The following TRPM3 variants were observed in gnomAD, a reference collection of about 807,000 sequenced individuals.
TRPM3 encodes the protein transient receptor potential cation channel subfamily M member 3.
In TRPM3, 77 loss-of-function variants were observed where a neutral mutation model predicts 181.2. The ratio of observed to expected loss-of-function variants is 0.42; its 90% CI spans 0.35 to 0.51. The LOEUF (loss-of-function observed/expected upper bound fraction) is 0.51, where lower values mean the gene tolerates loss of function less well. Among genes scored for constraint, TRPM3 ranks in the 20% least tolerant of loss-of-function variants. The probability of loss-of-function intolerance (pLI) is 0.01; values close to 1 mark genes in which losing one functional copy is unlikely to be tolerated. For synonymous variants in TRPM3, 745 were observed against 796.4 expected (o/e 0.94, Z 1.09); for missense variants, 1,759 against 2,196.7 (o/e 0.80, Z 3.98).
At chr9:70,571,636 C>T (rs2052416494) in intron 22 of TRPM3, among the ~76,000 whole-genome samples, 1 of 151,972 alleles carries the variant, frequency 6.6e-6, no homozygotes, top group African/African-American at 2.4e-5. Flanking sequence ...TTCTCTGTGC[C>T]TCATTTTCCT....
At chr9:71,232,194 G>C (rs2081092424) in intron 1 of TRPM3, among the ~76,000 whole-genome samples, 1 of 152,116 alleles carries the variant, frequency 6.6e-6, no homozygotes, top group South Asian at 2.1e-4. Context: ...GAGGGAATCT[G>C]AGCTTCCAAT....
At chr9:70,768,592 ATCTTT>A (rs970360754) in intron 7 of TRPM3, among the ~76,000 whole-genome samples, 11 of 134,092 alleles carry the variant, frequency 8.2e-5, no homozygotes, top group Admixed American at 1.6e-4. Flanking sequence ...GCTAGAAACT[ATCTTT>A]TCTTTTTTTT....
At chr9:70,815,926 G>A (rs1382432151) in intron 6 of TRPM3, among the ~76,000 whole-genome samples, 1 of 152,188 alleles carries the variant, frequency 6.6e-6, no homozygotes, top group African/African-American at 2.4e-5. Flanking sequence ...CCAAGAAATT[G>A]TTTTACAAGA....
At chr9:71,027,167 T>C (rs1401387971) in intron 1 of TRPM3, among the ~76,000 whole-genome samples, 1 of 151,962 alleles carries the variant, frequency 6.6e-6, no homozygotes, top group Non-Finnish European at 1.5e-5. Context: ...CCAATATCAG[T>C]CCCCCAGAGT....
chr9:71,224,087 C>T (rs1015521130), intron 1 of TRPM3, among the ~76,000 whole-genome samples: 2 of 152,160 alleles, frequency 1.3e-5, no homozygotes, highest in African/African-American at 4.8e-5. Context: ...TTAGGCAAGA[C>T]CCAGTGCTGT....
intron 9 of TRPM3, among the ~76,000 whole-genome samples, chr9:70,652,150 C>T (rs77723674): frequency 0.028 from 4,322 of 152,068 alleles, 77 homozygotes; most frequent in Middle Eastern, 0.058. Flanking sequence ...GGCTTCGAAC[C>T]TAGATAATTG....
intron 1 of TRPM3, among the ~76,000 whole-genome samples, chr9:70,900,591 T>C (rs1032437873): frequency 2.0e-5 from 3 of 152,240 alleles, no homozygotes; most frequent in Non-Finnish European, 4.4e-5. Flanking sequence ...CACAAATACT[T>C]TGTAATAATA....
In TRPM3 at chr9:71,030,113, T is replaced by C. The variant is rs549275959; in HGVS notation, c.177+91065A>G. Among the ~76,000 whole-genome samples the C allele has an allele frequency of 2.6e-5, 4 of 152,366 alleles. No individual in the cohort carries two copies. In the South Asian group the frequency reaches 8.3e-4, roughly 32 times the overall value. ...TTAATATATATTCATCGTGGTTATC[T>C]TAGGCTCAGGAAATATATTTCATTT... On this transcript the variant is annotated intron_variant, in intron 1 of 25. Coordinates refer to ENST00000677713, the MANE Select transcript of TRPM3 (RefSeq NM_001366145.2).
At chr9:70,683,925 C>T (rs1038592225) in intron 8 of TRPM3, among the ~76,000 whole-genome samples, 3 of 152,180 alleles carry the variant, frequency 2.0e-5, no homozygotes, top group African/African-American at 7.2e-5. Context: ...ACTCTTTACG[C>T]CAGGGCTGGC....
chr9:70,925,107 A>G (rs2133338076), intron 1 of TRPM3, among the ~76,000 whole-genome samples: 1 of 152,166 alleles, frequency 6.6e-6, no homozygotes, highest in East Asian at 1.9e-4. Context: ...CTTGGCTAAC[A>G]TGTATAGCCC....
intron 1 of TRPM3, among the ~76,000 whole-genome samples, chr9:71,367,581 T>C (rs140054916): frequency 1.3e-5 from 2 of 152,296 alleles, no homozygotes; most frequent in African/African-American, 4.8e-5. Context: ...GTGGTTATGA[T>C]TTCACCATTT....
intron 1 of TRPM3, among the ~76,000 whole-genome samples, chr9:70,918,836 T>TA (rs997444457): frequency 1.3e-5 from 2 of 151,570 alleles, no homozygotes; most frequent in Admixed American, 1.3e-4. Flanking sequence ...TTATTTTTTT[T>TA]AAAAAAATAA....
In TRPM3 at chr9:70,537,229, G is replaced by A; in HGVS notation, c.3884C>T (p.Ser1295Leu). 1.9e-6 allele frequency: 3 copies of A among 1,597,470 alleles called. No individual in the cohort carries two copies. The highest frequency in any genetic ancestry group is 1.3e-5 in the African/African-American group (1 of 74,684). ...LERAESNKIR[S>L]RTSSDCTDAA... The stretch of plus-strand genomic sequence containing the variant: ...GTCCGTGCAGTCTGACGAGGTCCTC[G>A]AGCGGATTTTGTTGGACTCGGCCCG... The change falls in exon 26 of 26, where the codon TCG becomes TTG. Residue 1295 changes from serine (S) to leucine (L), a missense_variant. Ser to Leu is a moderately radical substitution (Grantham distance 145, BLOSUM62 -2). Coordinates refer to ENST00000677713, the MANE Select transcript of TRPM3 (RefSeq NM_001366145.2).
chr9:71,111,489 G>T (rs1250797663), intron 1 of TRPM3, among the ~76,000 whole-genome samples: 1 of 152,082 alleles, frequency 6.6e-6, no homozygotes, highest in Non-Finnish European at 1.5e-5. Context: ...GGGTTGGGGG[G>T]TGCTCCTGGT....
intron 1 of TRPM3, among the ~76,000 whole-genome samples, chr9:70,970,827 G>T (rs2097236205): frequency 6.6e-6 from 1 of 152,064 alleles, no homozygotes; most frequent in African/African-American, 2.4e-5. Flanking sequence ...TTGCTGAGTG[G>T]TCTCCCCAAA....
intron 3 of TRPM3, among the ~76,000 whole-genome samples, chr9:70,849,181 G>T (rs67152149): frequency 0.2 from 30,343 of 152,010 alleles, 3,180 homozygotes; most frequent in East Asian, 0.28. Context: ...GTCTTGCACT[G>T]TTGCCTGGGC....
intron 1 of TRPM3, among the ~76,000 whole-genome samples, chr9:71,281,657 G>C (rs551274592): frequency 6.6e-6 from 1 of 152,120 alleles, no homozygotes; most frequent in Non-Finnish European, 1.5e-5. Flanking sequence ...TTTAGAATTT[G>C]CTGGATTCCT....
chr9:71,324,484 G>T (rs984345809), intron 1 of TRPM3, among the ~76,000 whole-genome samples: 5 of 151,718 alleles, frequency 3.3e-5, no homozygotes, highest in African/African-American at 1.2e-4. Context: ...TGATAAGGAT[G>T]CAGAGAAAAG....
chr9:70,982,603 C>T (rs976637776), intron 1 of TRPM3, among the ~76,000 whole-genome samples: 1 of 152,186 alleles, frequency 6.6e-6, no homozygotes, highest in African/African-American at 2.4e-5. Context: ...CCTTAGTCAC[C>T]TTTAAGTATG....
Sources: allele counts gnomAD v4.1 joint callset (sites outside exome capture counted in the v4.1 genomes callset), GRCh38; gene constraint gnomAD v4.1.1; transcripts MANE v1.5; gene names NCBI Gene and HGNC (gene_info 2026-07-23, HGNC 2026-07-21).